The following OPCML variants were observed in gnomAD, a reference collection of about 807,000 sequenced individuals.
OPCML encodes opioid-binding protein/cell adhesion molecule.
A neutral mutation model predicts 37.8 loss-of-function variants in OPCML; 13 were observed. The observed-to-expected ratio is 0.34, with a 90% CI of 0.22 to 0.55. OPCML has a LOEUF of 0.55. Ranked by LOEUF, OPCML falls within the 20% of genes least tolerant of loss-of-function variation. The pLI is 0.91. For synonymous variants in OPCML, 176 were observed against 168.8 expected (o/e 1.04, Z -0.33); for missense variants, 341 against 435.6 (o/e 0.78, Z 1.93).
chr11:132,431,193 A>C (rs111465089), intron 7 of OPCML, among the ~76,000 whole-genome samples: 1,716 of 152,354 alleles, frequency 0.011, 28 homozygotes, highest in African/African-American at 0.038. Context: ...GTTATGGTTG[A>C]TAGCTTTTGG....
intron 1 of OPCML, among the ~76,000 whole-genome samples, chr11:133,139,274 A>C (rs1156745668): frequency 6.6e-6 from 1 of 152,236 alleles, no homozygotes; most frequent in Non-Finnish European, 1.5e-5. Flanking sequence ...ACAGCAAAAC[A>C]ATAATCGTTG....
chr11:133,495,748 AT>A (rs373111207), intron 1 of OPCML, among the ~76,000 whole-genome samples: 7,050 of 148,358 alleles, frequency 0.048, 254 homozygotes, highest in South Asian at 0.11. Flanking sequence ...TTTTGATGGG[AT>A]TTTTTTTTTC....
chr11:133,024,385 G>T (rs923584910), intron 1 of OPCML: 1 of 985,312 alleles, frequency 1.0e-6, no homozygotes, highest in Non-Finnish European at 1.2e-6. Flanking sequence ...AACTCATTAG[G>T]ATGGAGACCT....
In OPCML at chr11:133,048,850, T is replaced by C. The variant is rs189573189; in HGVS notation, c.62-105840A>G. On this transcript the variant is annotated intron_variant, in intron 1 of 7. Transcript: ENST00000524381. The stretch of plus-strand genomic sequence containing the variant: ...GGACATGTTTCCCAGAATGCCACTG[T>C]ACATAATGTGCATTTTGACCATAAA... 3.9e-5 allele frequency among the ~76,000 whole-genome samples: 6 copies of C among 152,346 alleles called. No individual in the cohort carries two copies. The East Asian group carries it at 1.2e-3, about 29-fold the overall frequency.
At chr11:133,321,227 C>A (rs187139497) in intron 1 of OPCML, among the ~76,000 whole-genome samples, 208 of 152,286 alleles carry the variant, frequency 1.4e-3, no homozygotes, top group Non-Finnish European at 2.2e-3. Flanking sequence ...TACTCTCCAG[C>A]TTCTGGAATG....
At chr11:133,012,870 CAAAAAAAA>C (rs11456619) in intron 1 of OPCML, among the ~76,000 whole-genome samples, 2 of 113,248 alleles carry the variant, frequency 1.8e-5, no homozygotes, top group African/African-American at 3.5e-5. Context: ...AACTCCATCT[CAAAAAAAA>C]AAAAAAAAAG....
chr11:132,584,691 A>T (rs1200709911), intron 3 of OPCML, among the ~76,000 whole-genome samples: 1 of 152,208 alleles, frequency 6.6e-6, no homozygotes, highest in Non-Finnish European at 1.5e-5. Context: ...TGGTTAACAG[A>T]TTATAGGATT....
chr11:133,321,236 T>C (rs1158747798), intron 1 of OPCML, among the ~76,000 whole-genome samples: 1 of 152,218 alleles, frequency 6.6e-6, no homozygotes, highest in Non-Finnish European at 1.5e-5. Context: ...GCTTCTGGAA[T>C]GAAGGTGCAG....
intron 2 of OPCML, among the ~76,000 whole-genome samples, chr11:132,917,708 G>T: frequency 6.6e-6 from 1 of 152,174 alleles, no homozygotes; most frequent in East Asian, 1.9e-4. Flanking sequence ...TACATGAAGG[G>T]CTCACTACTG....
intron 2 of OPCML, among the ~76,000 whole-genome samples, chr11:132,712,879 A>C (rs1191571892): frequency 1.3e-5 from 2 of 152,218 alleles, no homozygotes; most frequent in Non-Finnish European, 2.9e-5. Flanking sequence ...GTACATTTAA[A>C]ACTTTTGCTA....
At chr11:133,339,297 C>A (rs1298885410) in intron 1 of OPCML, among the ~76,000 whole-genome samples, 1 of 152,148 alleles carries the variant, frequency 6.6e-6, no homozygotes, top group Admixed American at 6.5e-5. Flanking sequence ...ATTACCTTCT[C>A]CAATTTAAAG....
At chr11:132,890,856 C>CAAAAAAA (rs57246769) in intron 2 of OPCML, among the ~76,000 whole-genome samples, 2 of 46,476 alleles carry the variant, frequency 4.3e-5, no homozygotes, top group African/African-American at 6.5e-5. Flanking sequence ...GACTCCATCT[C>CAAAAAAA]AAAAAAAAAA....
intron 1 of OPCML, among the ~76,000 whole-genome samples, chr11:133,161,467 T>A (rs1484051879): frequency 6.6e-6 from 1 of 152,026 alleles, no homozygotes; most frequent in Non-Finnish European, 1.5e-5. Context: ...GACAGGAGCG[T>A]GGGATTTAAA....
chr11:132,895,809 C>G (rs74408165), intron 2 of OPCML, among the ~76,000 whole-genome samples: 1,957 of 152,254 alleles, frequency 0.013, 40 homozygotes, highest in African/African-American at 0.044. Context: ...ATCCACCCCC[C>G]CTGCCCCTCT....
intron 2 of OPCML, among the ~76,000 whole-genome samples, chr11:132,888,645 C>CT (rs148592027): frequency 0.017 from 2,643 of 151,964 alleles, 90 homozygotes; most frequent in African/African-American, 0.061. Context: ...GTTTGTTTGG[C>CT]TTTTTTTTGG....
intron 2 of OPCML, among the ~76,000 whole-genome samples, chr11:132,705,207 G>A (rs1943984292): frequency 6.6e-6 from 1 of 152,036 alleles, no homozygotes; most frequent in South Asian, 2.1e-4. Flanking sequence ...TTGGATCATG[G>A]GAGTGGATTT....
At chr11:133,473,298 T>C (rs960419005) in intron 1 of OPCML, among the ~76,000 whole-genome samples, 2 of 152,098 alleles carry the variant, frequency 1.3e-5, no homozygotes, top group African/African-American at 4.8e-5. Context: ...TGGCCTCCAT[T>C]GAAAACAAAA....
chr11:133,284,787 G>A (rs926645249), intron 1 of OPCML, among the ~76,000 whole-genome samples: 1 of 152,090 alleles, frequency 6.6e-6, no homozygotes, highest in Admixed American at 6.5e-5. Flanking sequence ...AACACTCAGA[G>A]CCTCAGGTTC....
chr11:132,490,537 G>A (rs940616663), intron 4 of OPCML, among the ~76,000 whole-genome samples: 28 of 144,518 alleles, frequency 1.9e-4, no homozygotes, highest in Admixed American at 3.6e-4. Flanking sequence ...CCATCTTCCG[G>A]CCTGACCTTT....
Sources: allele counts gnomAD v4.1 joint callset (sites outside exome capture counted in the v4.1 genomes callset), GRCh38; gene constraint gnomAD v4.1.1; transcripts MANE v1.5; gene names NCBI Gene and HGNC (gene_info 2026-07-23, HGNC 2026-07-21).